Variants in ZNF140 observed in about 807,000 individuals in gnomAD.
The protein encoded by ZNF140 is zinc finger protein 140 (clone pHZ-39).
In ZNF140, 13 loss-of-function variants were observed where a neutral mutation model predicts 12.9. The observed-to-expected ratio is 1.01, with a 90% CI of 0.66 to 1.60. The LOEUF is 1.60. ZNF140 is among the 40% of genes most tolerant of loss of function. ZNF140 has a pLI of 0.00. For synonymous variants in ZNF140, 214 were observed against 186.7 expected (o/e 1.15, Z -1.19); for missense variants, 531 against 548.8 (o/e 0.97, Z 0.32).
At chr12:133,102,746 T>G (rs1432496189) in intron 4 of ZNF140, among the ~76,000 whole-genome samples, 1 of 125,856 alleles carries the variant, frequency 7.9e-6, no homozygotes, top group African/African-American at 2.8e-5. Context: ...GAGACTCCGT[T>G]TCTTAAAAAA....
At chr12:133,086,443 A>G (rs1324788158) in intron 4 of ZNF140, among the ~76,000 whole-genome samples, 1 of 152,052 alleles carries the variant, frequency 6.6e-6, no homozygotes, top group Non-Finnish European at 1.5e-5. Flanking sequence ...TCGTATGTTT[A>G]TTGAACATCT....
Position 133,106,778 on chromosome 12 carries a change from C to A in ZNF140, c.*127C>A. The A allele has an allele frequency of 2.5e-6, 2 of 786,574 alleles. No individual in the cohort carries two copies. Among genetic ancestry groups the A allele is most frequent in the South Asian group, 2.6e-5 (1 of 38,664 alleles). 48.7% of individuals were successfully genotyped at this position (786,574 alleles called of 1,614,324 possible). ...GATGACTGTGAAGTAATATGGCCCA[C>A]ACTTTATTCACCACCCTGGAGAAAA... On this transcript the variant is annotated 3_prime_UTR_variant, in exon 5 of 5. Transcript: ENST00000355557.
At chr12:133,090,778 A>G (rs896343658) in intron 4 of ZNF140, among the ~76,000 whole-genome samples, 70 of 142,888 alleles carry the variant, frequency 4.9e-4, no homozygotes, top group Admixed American at 2.6e-3. Flanking sequence ...TAATAAGGAG[A>G]AGGTCAGCAA....
chr12:133,097,676 G>T (rs967347913), intron 4 of ZNF140, among the ~76,000 whole-genome samples: 1 of 151,828 alleles, frequency 6.6e-6, no homozygotes, highest in African/African-American at 2.4e-5. Flanking sequence ...TTTCTTTAGA[G>T]ACAGGATCTC....
At chr12:133,092,898 C>A (rs911583477) in intron 4 of ZNF140, among the ~76,000 whole-genome samples, 1 of 151,144 alleles carries the variant, frequency 6.6e-6, no homozygotes, top group African/African-American at 2.5e-5. Context: ...ACTTCTGGGT[C>A]TTTTGATTCT....
chr12:133,081,303 C>T lies in ZNF140; in HGVS notation c.-18C>T, dbSNP rs1341061034. 6 of 1,531,938 alleles carry T rather than the reference C, an allele frequency of 3.9e-6. No homozygotes were observed. Among genetic ancestry groups the T allele is most frequent in the African/African-American group, 1.4e-5 (1 of 71,032 alleles). 94.9% of individuals were successfully genotyped at this position (1,531,938 alleles called of 1,614,324 possible). A position where few individuals can be genotyped will look rare whatever the true frequency, so the allele number is the denominator to read the frequency against. On this transcript the variant is annotated 5_prime_UTR_variant, in exon 2 of 5. Coordinates refer to ENST00000355557, the MANE Select transcript of ZNF140 (RefSeq NM_003440.4). ...CCATTTTACACTTTTCTGATCTCCT[C>T]CTTCCCTTCTGTGAGCTATGTCTCA...
In ZNF140 at chr12:133,106,773, G is replaced by A; in HGVS notation, c.*122G>A. ...AAAGTGATGACTGTGAAGTAATATG[G>A]CCCACACTTTATTCACCACCCTGGA... On this transcript the variant is annotated 3_prime_UTR_variant, in exon 5 of 5. Transcript: ENST00000355557. 1 of 880,602 alleles carries A rather than the reference G, an allele frequency of 1.1e-6. No individual in the cohort carries two copies. The highest frequency in any genetic ancestry group is 1.6e-6 in the Non-Finnish European group (1 of 616,488). 54.5% of individuals were successfully genotyped at this position (880,602 alleles called of 1,614,324 possible). A position where few individuals can be genotyped will look rare whatever the true frequency, so the allele number is the denominator to read the frequency against.
intron 4 of ZNF140, among the ~76,000 whole-genome samples, chr12:133,096,156 G>C (rs1010362324): frequency 2.0e-5 from 3 of 148,026 alleles, no homozygotes; most frequent in African/African-American, 5.0e-5. Flanking sequence ...AAGGGCAGAG[G>C]TCCCTGTGGC....
At chr12:133,090,840 C>A (rs113305805) in intron 4 of ZNF140, among the ~76,000 whole-genome samples, 1 of 122,742 alleles carries the variant, frequency 8.1e-6, no homozygotes, top group Non-Finnish European at 1.8e-5. Context: ...AGGGAAGGTA[C>A]TATGCCTAGA....
At chr12:133,101,605 C>T (rs1193755108) in intron 4 of ZNF140, among the ~76,000 whole-genome samples, 5 of 152,132 alleles carry the variant, frequency 3.3e-5, no homozygotes, top group African/African-American at 7.2e-5. Flanking sequence ...CTACCACGCC[C>T]GGCTAATTTT....
intron 4 of ZNF140, among the ~76,000 whole-genome samples, chr12:133,094,331 A>G (rs932613086): frequency 2.6e-5 from 4 of 151,118 alleles, no homozygotes; most frequent in Non-Finnish European, 5.9e-5. Context: ...CGGCTGGTAT[A>G]GTAAAAGCAA....
chr12:133,091,402 A>G (rs1334116636), intron 4 of ZNF140, among the ~76,000 whole-genome samples: 1 of 151,334 alleles, frequency 6.6e-6, no homozygotes, highest in Non-Finnish European at 1.5e-5. Context: ...GGTTGGGTCA[A>G]AGTGGCTGGG....
intron 4 of ZNF140, among the ~76,000 whole-genome samples, chr12:133,102,999 A>C (rs1955410945): frequency 1.3e-5 from 2 of 152,156 alleles, no homozygotes; most frequent in South Asian, 4.1e-4. Context: ...AAATACACTA[A>C]ATCTGTGCAA....
chr12:133,090,792 A>G (rs1032560704), intron 4 of ZNF140, among the ~76,000 whole-genome samples: 101 of 139,312 alleles, frequency 7.2e-4, no homozygotes, highest in African/African-American at 2.3e-3. Context: ...TCAGCAAAAA[A>G]CATGTGAGCA....
At chr12:133,094,995 A>G (rs1202957587) in intron 4 of ZNF140, among the ~76,000 whole-genome samples, 1 of 151,238 alleles carries the variant, frequency 6.6e-6, no homozygotes, top group Non-Finnish European at 1.5e-5. Context: ...CTGCCTCTTC[A>G]CAATCTATTA....
intron 4 of ZNF140, among the ~76,000 whole-genome samples, chr12:133,090,437 C>G (rs1293942028): frequency 6.6e-6 from 1 of 152,210 alleles, no homozygotes; most frequent in African/African-American, 2.4e-5. Flanking sequence ...GCCACTGCAC[C>G]TGGGTCCTTT....
At chr12:133,085,808 G>A (rs1321184131) in intron 4 of ZNF140, among the ~76,000 whole-genome samples, 2 of 152,192 alleles carry the variant, frequency 1.3e-5, no homozygotes, top group East Asian at 3.9e-4. Flanking sequence ...CTTGAGGCCA[G>A]GAGTTGAAGA....
chr12:133,083,414 C>T, intron 3 of ZNF140, 52 bp from the exon 4 acceptor site: 12 of 1,570,706 alleles, frequency 7.6e-6, no homozygotes, highest in South Asian at 1.2e-5. Flanking sequence ...CTTTGTGGCC[C>T]CTCTTAGGAT....
intron 1 of ZNF140, 26 bp downstream of exon 1, chr12:133,081,098 C>G (rs1026494107): frequency 7.8e-6 from 2 of 255,302 alleles, no homozygotes; most frequent in Non-Finnish European, 1.6e-5. Flanking sequence ...GGAGGCGCGC[C>G]GTGGCAGGAA....
Sources: gnomAD v4.1 joint callset for allele counts (sites outside exome capture counted in the v4.1 genomes callset) on GRCh38, gnomAD v4.1.1 for gene constraint, MANE v1.5 for transcripts, NCBI Gene and HGNC (gene_info 2026-07-23, HGNC 2026-07-21) for gene names.